C7orf33: variants seen among roughly 807,000 people sequenced by gnomAD.
C7orf33 encodes the protein uncharacterized protein C7orf33.
A neutral mutation model predicts 13.4 loss-of-function variants in C7orf33; 15 were observed. The observed-to-expected ratio is 1.12, with a 90% CI of 0.75 to 1.72. C7orf33 has a LOEUF of 1.72. C7orf33 is among the 40% of genes most tolerant of loss of function. The pLI, the probability that C7orf33 is intolerant of heterozygous loss-of-function variation, is 0.00. For synonymous variants in C7orf33, 73 were observed against 83.2 expected (o/e 0.88, Z 0.67); for missense variants, 187 against 220.3 (o/e 0.85, Z 0.96).
At chr7:148,613,927 T>C (rs2116905313) in intron 1 of C7orf33, 115 bp from the exon 2 acceptor site, 2 of 1,085,406 alleles carry the variant, frequency 1.8e-6, no homozygotes, top group Non-Finnish European at 2.7e-6. Flanking sequence ...GGCTATTTCA[T>C]GTGTCTGACA....
At chr7:148,613,088 A>G (rs1039083677) in intron 1 of C7orf33, among the ~76,000 whole-genome samples, 2 of 152,048 alleles carry the variant, frequency 1.3e-5, no homozygotes, top group African/African-American at 4.8e-5. Flanking sequence ...AGCAGAACTC[A>G]TTTCTTCTAT....
Position 148,601,773 on chromosome 7 carries a change from G to A in C7orf33, c.204+10644G>A, listed in dbSNP as rs1472331197. Among the ~76,000 whole-genome samples, 3 of 151,190 alleles carry A rather than the reference G, an allele frequency of 2.0e-5. No homozygotes were observed. The East Asian group carries it at 5.9e-4, about 30-fold the overall frequency. The stretch of plus-strand genomic sequence containing the variant: ...TTGTTTTGTTTTGTTTTAGAAACAC[G>A]GTCTTGCTCTGTTGCTCAGGCTAGA... On this transcript the variant is annotated intron_variant, in intron 1 of 2. Coordinates refer to ENST00000307003, the MANE Select transcript of C7orf33 (RefSeq NM_145304.4).
chr7:148,613,796 A>G (rs1796572859), intron 1 of C7orf33, among the ~76,000 whole-genome samples: 1 of 152,224 alleles, frequency 6.6e-6, no homozygotes, highest in Non-Finnish European at 1.5e-5. Flanking sequence ...GAATTGGTGT[A>G]TTACCTGTGA....
At chr7:148,611,478 AG>A (rs1261078657) in intron 1 of C7orf33, among the ~76,000 whole-genome samples, 1 of 152,206 alleles carries the variant, frequency 6.6e-6, no homozygotes, top group Admixed American at 6.5e-5. Flanking sequence ...TGGTTGGAGA[AG>A]GGTCCGGCTG....
Position 148,591,090 on chromosome 7 carries a change from AG to A in C7orf33, c.167del (p.Gly56ValfsTer21), listed in dbSNP as rs748800881. ...AVWVHVRGGP[G>X]QFNLSYATGR... ...TTTGGGTCCACGTTAGGGGCGGTCC[AG>A]GTCAATTTAACTTGTCATATGCCAC... On this transcript the variant is annotated frameshift_variant, in exon 1 of 3. Coordinates refer to ENST00000307003, the MANE Select transcript of C7orf33 (RefSeq NM_145304.4). LOFTEE classifies it high-confidence loss of function. 3 of 1,613,614 alleles carry A rather than the reference AG, an allele frequency of 1.9e-6. No homozygotes were observed. In the South Asian group the frequency reaches 3.3e-5, roughly 18 times the overall value.
At chr7:148,598,761 TATAGAG>T (rs1246297657) in intron 1 of C7orf33, among the ~76,000 whole-genome samples, 12 of 27,506 alleles carry the variant, frequency 4.4e-4, no homozygotes, top group South Asian at 1.5e-3. Flanking sequence ...TATATATATA[TATAGAG>T]AGAGAGAGAG....
At chr7:148,605,659 G>A (rs1483153499) in intron 1 of C7orf33, among the ~76,000 whole-genome samples, 3 of 152,168 alleles carry the variant, frequency 2.0e-5, no homozygotes, top group African/African-American at 7.2e-5. Context: ...CAGAACCAGT[G>A]CAGAGCCCCC....
chr7:148,607,197 C>T (rs955974048), intron 1 of C7orf33, among the ~76,000 whole-genome samples: 26 of 152,156 alleles, frequency 1.7e-4, no homozygotes, highest in East Asian at 5.8e-4. Flanking sequence ...AGCAAGTAAC[C>T]GGCAGATAAA....
chr7:148,597,291 TA>T (rs1157539622), intron 1 of C7orf33, among the ~76,000 whole-genome samples: 8 of 152,106 alleles, frequency 5.3e-5, no homozygotes, highest in African/African-American at 9.7e-5. Flanking sequence ...TATTTTTATT[TA>T]TTTTTTTGAG....
At chr7:148,607,738 C>G (rs1249901111) in intron 1 of C7orf33, among the ~76,000 whole-genome samples, 1 of 152,152 alleles carries the variant, frequency 6.6e-6, no homozygotes, top group Non-Finnish European at 1.5e-5. Context: ...GAATCACCAA[C>G]AAACGTATTT....
At chr7:148,613,518 A>T (rs1469601242) in intron 1 of C7orf33, among the ~76,000 whole-genome samples, 3 of 152,256 alleles carry the variant, frequency 2.0e-5, no homozygotes, top group Non-Finnish European at 4.4e-5. Flanking sequence ...ATGCTACAAC[A>T]TAGTCGGACC....
At chr7:148,595,075 G>A (rs777016177) in intron 1 of C7orf33, among the ~76,000 whole-genome samples, 46 of 151,746 alleles carry the variant, frequency 3.0e-4, no homozygotes, top group Non-Finnish European at 5.3e-4. Context: ...TATTCACCAG[G>A]TCAGGTTTTC....
chr7:148,614,138 C>G lies in C7orf33; in HGVS notation c.301C>G (p.Gln101Glu), dbSNP rs778780697. The change falls in exon 2 of 3, where the codon CAA (glutamine) becomes GAA (glutamate). Residue 101 changes from glutamine (Q) to glutamate (E), a missense_variant. Transcript: ENST00000307003. ...KSGAPWHFLSQGPTDAQRAVR... is the reference protein window; with the variant it reads ...KSGAPWHFLSEGPTDAQRAVR... ...TGGTGCCCCGTGGCATTTTCTTTCT[C>G]AAGGTCCCACGGATGCCCAGAGAGC... 6.2e-7 allele frequency: 1 copy of G among 1,614,198 alleles called. No individual in the cohort carries two copies. Among genetic ancestry groups the G allele is most frequent in the South Asian group, 1.1e-5 (1 of 91,086 alleles).
intron 1 of C7orf33, among the ~76,000 whole-genome samples, chr7:148,606,055 G>C (rs1796469825): frequency 6.6e-6 from 1 of 152,180 alleles, no homozygotes; most frequent in African/African-American, 2.4e-5. Context: ...ATCTGGGCAA[G>C]ACAAGCTCCT....
intron 1 of C7orf33, among the ~76,000 whole-genome samples, chr7:148,594,596 C>A (rs1256070516): frequency 6.6e-6 from 1 of 152,068 alleles, no homozygotes; most frequent in East Asian, 1.9e-4. Flanking sequence ...TAAGATGACA[C>A]CCAAGTAAAA....
At chr7:148,598,759 TATATAGAGAGAGAGAGAG>T (rs1318072609) in intron 1 of C7orf33, among the ~76,000 whole-genome samples, 136 of 32,866 alleles carry the variant, frequency 4.1e-3, no homozygotes, top group African/African-American at 0.015. Flanking sequence ...TATATATATA[TATATAGAGAGAGAGAGAG>T]AGAGAGAGAG....
At chr7:148,604,273 C>T (rs1231880775) in intron 1 of C7orf33, among the ~76,000 whole-genome samples, 1 of 152,044 alleles carries the variant, frequency 6.6e-6, no homozygotes, top group Non-Finnish European at 1.5e-5. Flanking sequence ...ATTACAGGCA[C>T]CTGCCACCAC....
Position 148,609,665 on chromosome 7 carries a change from C to CT in C7orf33, c.205-4377_205-4376insT, listed in dbSNP as rs201264526. Reference sequence around the variant, plus strand: ...TTGGAAATCACAAGCAAATCTCTCCCCGAGGCTCTGCAGCCACAACTTGGT... The same window carrying CT: ...TTGGAAATCACAAGCAAATCTCTCCCTCGAGGCTCTGCAGCCACAACTTGGT... On this transcript the variant is annotated intron_variant, in intron 1 of 2. Coordinates refer to ENST00000307003, the MANE Select transcript of C7orf33 (RefSeq NM_145304.4). Among the ~76,000 whole-genome samples, 851 of 152,286 alleles carry CT rather than the reference C, an allele frequency of 5.6e-3. 11 individuals carry two copies. The highest frequency in any genetic ancestry group is 0.019 in the African/African-American group (803 of 41,576).
chr7:148,597,824 C>T (rs894940852), intron 1 of C7orf33, among the ~76,000 whole-genome samples: 4 of 152,124 alleles, frequency 2.6e-5, no homozygotes, highest in African/African-American at 4.8e-5. Flanking sequence ...GGCGTGATCT[C>T]AGCTTACTGC....
Sources: gnomAD v4.1 joint callset for allele counts (sites outside exome capture counted in the v4.1 genomes callset) on GRCh38, gnomAD v4.1.1 for gene constraint, MANE v1.5 for transcripts, NCBI Gene and HGNC (gene_info 2026-07-23, HGNC 2026-07-21) for gene names.